Variants in CHMP7 observed in about 807,000 individuals in gnomAD.
CHMP7 encodes charged multivesicular body protein 7, also known as CHMP family, member 7.
Under a neutral mutation model 53.7 loss-of-function variants are expected in CHMP7, and 15 were observed. The ratio of observed to expected loss-of-function variants is 0.28; its 90% CI spans 0.19 to 0.43. The LOEUF is 0.43. Ranked by LOEUF, CHMP7 falls within the 20% of genes least tolerant of loss-of-function variation. CHMP7 has a pLI of 1.00. For missense variants in CHMP7, 527 were observed against 569.4 expected, an observed-to-expected ratio of 0.93 and a Z score of 0.76; for synonymous variants, 261 against 228.0, an observed-to-expected ratio of 1.14 and a Z score of -1.30.
chr8:23,249,552 T>G (rs138929668), intron 3 of CHMP7, among the ~76,000 whole-genome samples, 171 bp downstream of exon 3: 1 of 152,348 alleles, frequency 6.6e-6, no homozygotes, highest in Non-Finnish European at 1.5e-5. Flanking sequence ...TATTCATTAG[T>G]GGGACTTGTA....
chr8:23,256,690 GTT>G (rs67393714), intron 5 of CHMP7, 97 bp downstream of exon 5: 578 of 587,228 alleles, frequency 9.8e-4, no homozygotes, highest in East Asian at 2.1e-3. Context: ...AAATAGGTGG[GTT>G]TTTTTTTTTT....
chr8:23,249,187 G>A (rs764610788), intron 2 of CHMP7, 23 bp from the exon 3 acceptor site: 8 of 1,549,782 alleles, frequency 5.2e-6, no homozygotes, highest in African/African-American at 2.8e-5. Context: ...GCTACTACAC[G>A]CCCTTCTTTT....
chr8:23,258,175 G>T (rs569940134), intron 6 of CHMP7, 94 bp downstream of exon 6: 4 of 1,433,682 alleles, frequency 2.8e-6, no homozygotes, highest in African/African-American at 1.4e-5. Context: ...GGGGTTTTGA[G>T]GGGGGTAGAG....
At chr8:23,260,058 A>C (rs1427298482) in intron 9 of CHMP7, 86 bp from the exon 10 acceptor site, 1 of 1,087,096 alleles carries the variant, frequency 9.2e-7, no homozygotes, top group African/African-American at 1.6e-5. Context: ...TGTAAAGCTA[A>C]GCGGGTTTTG....
In CHMP7 at chr8:23,260,742, C is replaced by G. The variant is rs1301026138; in HGVS notation, c.*143C>G. ...GATTTTATCTGGATGCTACTACTTACTACAGGACAGATAGAATTTCTGGAA... is the reference window on the plus strand; with the variant it reads ...GATTTTATCTGGATGCTACTACTTAGTACAGGACAGATAGAATTTCTGGAA... On this transcript the variant is annotated 3_prime_UTR_variant, in exon 11 of 11. Coordinates refer to ENST00000397677, the MANE Select transcript of CHMP7 (RefSeq NM_152272.5). The G allele has an allele frequency of 1.5e-6, 1 of 685,550 alleles. No homozygotes were observed. Among genetic ancestry groups the G allele is most frequent in the East Asian group, 2.7e-5 (1 of 37,488 alleles). 42.5% of individuals were successfully genotyped at this position (685,550 alleles called of 1,614,324 possible).
At chr8:23,249,426 A>G in intron 3 of CHMP7, 45 bp downstream of exon 3, 1 of 1,480,526 alleles carries the variant, frequency 6.8e-7, no homozygotes, top group Non-Finnish European at 9.1e-7. Context: ...TGGTGTGATC[A>G]CAGCATCCTC....
rs1802085435 is a variant in CHMP7 at position 23,255,382 on chromosome 8, C to G, written c.607C>G (p.Gln203Glu). The change falls in exon 4 of 11, where the codon CAG (glutamine) becomes GAG (glutamate). Residue 203 changes from glutamine to glutamate, a missense_variant. Gln to Glu is a conservative substitution (Grantham distance 29). Coordinates refer to ENST00000397677, the MANE Select transcript of CHMP7 (RefSeq NM_152272.5). ...DERTFYLVLL[Q>E]LQKEKRVTVL... ...GAGGACCTTCTACTTGGTGTTGCTG[C>G]AGCTGCAGAAGGAGAAGAGGGTCAC... is the stretch of plus-strand genomic sequence containing the variant. The G allele has an allele frequency of 6.2e-7, 1 of 1,614,072 alleles. No homozygotes were observed. Among genetic ancestry groups the G allele is most frequent in the African/African-American group, 1.3e-5 (1 of 74,924 alleles).
At position 23,249,295 on chromosome 8, in the gene CHMP7, A is replaced by G; in HGVS notation, c.385A>G (p.Lys129Glu). The G allele has an allele frequency of 6.2e-7, 1 of 1,613,450 alleles. No individual in the cohort carries two copies. The highest frequency in any genetic ancestry group is 8.5e-7 in the Non-Finnish European group (1 of 1,179,740). Residue 129 changes from lysine to glutamate, a missense_variant, in exon 3 of 11, where the codon AAG becomes GAG. Transcript: ENST00000397677. ...CTGGGGGGTTGGGGTCTTCCTGCTG[A>G]AGCCTCTCAAGTGGACTCTTTCTAA... The part of the protein sequence containing the change: ...ISWGVGVFLL[K>E]PLKWTLSNML...
intron 3 of CHMP7, among the ~76,000 whole-genome samples, chr8:23,251,470 T>G (rs1192392600): frequency 6.6e-6 from 1 of 152,356 alleles, no homozygotes; most frequent in African/African-American, 2.4e-5. Flanking sequence ...CCTGAAAATC[T>G]TATTCACTTG....
intron 3 of CHMP7, among the ~76,000 whole-genome samples, chr8:23,249,897 C>T (rs959724153): frequency 7.2e-5 from 11 of 152,196 alleles, no homozygotes; most frequent in Non-Finnish European, 1.0e-4. Flanking sequence ...AGCCTCCTCC[C>T]GGCCTGCCTT....
chr8:23,251,718 G>A (rs1350062784), intron 3 of CHMP7, among the ~76,000 whole-genome samples: 2 of 152,140 alleles, frequency 1.3e-5, no homozygotes, highest in African/African-American at 4.8e-5. Flanking sequence ...TACACAGTAT[G>A]GATTTACTCG....
chr8:23,255,542 T>C, intron 4 of CHMP7, 110 bp downstream of exon 4: 2 of 870,290 alleles, frequency 2.3e-6, no homozygotes, highest in Non-Finnish European at 3.7e-6. Context: ...TAACCTGCCG[T>C]CAACCACGGT....
At chr8:23,258,133 G>T (rs3736022) in intron 6 of CHMP7, 52 bp downstream of exon 6, 155,004 of 1,521,132 alleles carry the variant, frequency 0.1, 9,804 homozygotes, top group East Asian at 0.34. Context: ...CAGGCCTGGA[G>T]CAATGCCCAG....
chr8:23,258,721 T>C lies in CHMP7; in HGVS notation c.961-11T>C. On this transcript the variant is annotated splice_polypyrimidine_tract_variant and intron_variant, in intron 7 of 10. Coordinates refer to ENST00000397677, the MANE Select transcript of CHMP7 (RefSeq NM_152272.5). ...CTGTCATTTGCACTGATAGCTTTGC[T>C]TTGTCTTTAGGTTTTTAACGCCTAC... 6.3e-7 allele frequency: 1 copy of C among 1,589,416 alleles called. No individual in the cohort carries two copies. Among genetic ancestry groups the C allele is most frequent in the Non-Finnish European group, 8.6e-7 (1 of 1,158,074 alleles).
Position 23,257,163 on chromosome 8 carries a change from A to T in CHMP7, c.791+570A>T, listed in dbSNP as rs1410209540. Among the ~76,000 whole-genome samples, 3 of 144,128 alleles carry T rather than the reference A, an allele frequency of 2.1e-5. No individual in the cohort carries two copies. The Admixed American group carries it at 2.1e-4, about 10-fold the overall frequency. The allele number at this position is 144,128 out of a possible 152,430, so 94.6% of individuals were successfully genotyped here. A position where few individuals can be genotyped will look rare whatever the true frequency, so the allele number is the denominator to read the frequency against. On this transcript the variant is annotated intron_variant, in intron 5 of 10. Transcript: ENST00000397677. ...CCCTAGGCTGGAGAGCAGTGACATG[A>T]TCTTAGCTCACTGCAGTCTAACTCC...
chr8:23,258,219 A>G (rs1802215801), intron 6 of CHMP7, 111 bp from the exon 7 acceptor site: 2 of 1,513,426 alleles, frequency 1.3e-6, no homozygotes, highest in Non-Finnish European at 1.8e-6. Flanking sequence ...AGCTTATTTT[A>G]CAGATGGGAG....
In CHMP7 at chr8:23,246,961, TG is replaced by T; in HGVS notation, c.270del (p.Leu91TrpfsTer24). ...TTTCAGCGCAAGGGGAGCGTCCCGC[TG>T]GGGCTGGCCACGGTGCTGCAGGACC... ...EAFQRKGSVP[L>X]GLATVLQDLL... On this transcript the variant is annotated frameshift_variant, in exon 2 of 11. Coordinates refer to ENST00000397677, the MANE Select transcript of CHMP7 (RefSeq NM_152272.5). LOFTEE classifies it high-confidence loss of function. The T allele has an allele frequency of 6.5e-7, 1 of 1,545,130 alleles. No individual in the cohort carries two copies.
rs1264894579 is a variant in CHMP7 at position 23,246,459 on chromosome 8, G to A, written c.-237G>A. The A allele has an allele frequency of 1.8e-6, 1 of 554,056 alleles. No individual in the cohort carries two copies. The highest frequency in any genetic ancestry group is 1.9e-5 in the African/African-American group (1 of 52,524). The allele number at this position is 554,056 out of a possible 1,614,324, so 34.3% of individuals were successfully genotyped here. A position where few individuals can be genotyped will look rare whatever the true frequency, so the allele number is the denominator to read the frequency against. ...CGGCACAAAGACCGTGGGAGGAGGG[G>A]TCGGCGCAAGCGCTCGGTGTCTCTC... is the stretch of plus-strand genomic sequence containing the variant. On this transcript the variant is annotated 5_prime_UTR_variant, in exon 2 of 11. Transcript: ENST00000397677.
intron 4 of CHMP7, 100 bp downstream of exon 4, chr8:23,255,532 T>A: frequency 9.5e-7 from 1 of 1,050,806 alleles, no homozygotes; most frequent in Non-Finnish European, 1.5e-6. Context: ...AGAGTTTCAG[T>A]AACCTGCCGT....
Sources: gnomAD v4.1 joint callset for allele counts (sites outside exome capture counted in the v4.1 genomes callset) on GRCh38, gnomAD v4.1.1 for gene constraint, MANE v1.5 for transcripts, NCBI Gene and HGNC (gene_info 2026-07-23, HGNC 2026-07-21) for gene names.